CNOT2: variants seen among roughly 807,000 people sequenced by gnomAD.
CNOT2 encodes the protein CC chemokine receptor 4-negative regulator of transcription 2.
CNOT2 carries 7 observed loss-of-function variants against 72.1 expected under a neutral mutation model. The observed-to-expected ratio is 0.10, with a 90% CI of 0.06 to 0.18. CNOT2 has a LOEUF of 0.18. CNOT2 is among the 10% of genes least tolerant of loss of function. The pLI is 1.00. For missense variants in CNOT2, 345 were observed against 660.3 expected (o/e 0.52, Z 5.23); for synonymous variants, 196 against 225.6 (o/e 0.87, Z 1.17).
intron 1 of CNOT2, among the ~76,000 whole-genome samples, chr12:70,257,619 G>A (rs1307963208): frequency 2.6e-5 from 4 of 151,284 alleles, no homozygotes; most frequent in Non-Finnish European, 4.4e-5. Flanking sequence ...CACCTGCCTC[G>A]GCCTCCCAAA....
chr12:70,262,323 G>C (rs538565010), intron 1 of CNOT2, among the ~76,000 whole-genome samples: 1 of 152,248 alleles, frequency 6.6e-6, no homozygotes, highest in African/African-American at 2.4e-5. Flanking sequence ...GCCCAGGCTG[G>C]AGTGCAATGG....
At chr12:70,331,385 A>G (rs1879916149) in intron 6 of CNOT2, 1 of 151,916 alleles carries the variant, frequency 6.6e-6, no homozygotes, top group African/African-American at 2.4e-5. Context: ...AGGGTTATCA[A>G]AATTCTCATC....
Position 70,337,383 on chromosome 12 carries a change from A to G in CNOT2, c.776-6A>G, listed in dbSNP as rs775457376. The G allele has an allele frequency of 2.9e-5, 46 of 1,602,570 alleles. No individual in the cohort carries two copies. In the African/African-American group the frequency reaches 4.7e-4, roughly 16 times the overall value. On this transcript the variant is annotated splice_polypyrimidine_tract_variant and splice_region_variant and intron_variant, in intron 8 of 15. Transcript: ENST00000229195. ...TGCAATTCTCCGGATTATTTTCATT[A>G]CATAGTTGGAATGGTAACAAAACCA...
At chr12:70,318,191 G>A (rs748877658) in intron 3 of CNOT2, among the ~76,000 whole-genome samples, 5 of 151,830 alleles carry the variant, frequency 3.3e-5, no homozygotes, top group Non-Finnish European at 5.9e-5. Flanking sequence ...CCACCTTCTT[G>A]CTTAATATTA....
chr12:70,329,764 C>T (rs540270035), intron 5 of CNOT2, 194 bp downstream of exon 5: 106 of 527,976 alleles, frequency 2.0e-4, no homozygotes, highest in Middle Eastern at 1.0e-3. Context: ...TACTGCAGCT[C>T]GCATACTGGT....
intron 1 of CNOT2, among the ~76,000 whole-genome samples, chr12:70,276,188 C>A (rs1052277498): frequency 1.3e-5 from 2 of 151,784 alleles, no homozygotes; most frequent in Non-Finnish European, 2.9e-5. Flanking sequence ...AATATTAATA[C>A]GTATTGTTGT....
At chr12:70,341,018 GATTGCAGGC>G (rs1421123201) in intron 11 of CNOT2, among the ~76,000 whole-genome samples, 1 of 151,124 alleles carries the variant, frequency 6.6e-6, no homozygotes, top group Non-Finnish European at 1.5e-5. Flanking sequence ...GAGTAGCTGG[GATTGCAGGC>G]ATGTGCCACC....
intron 1 of CNOT2, among the ~76,000 whole-genome samples, chr12:70,249,404 G>A (rs1041331950): frequency 6.7e-6 from 1 of 150,300 alleles, no homozygotes; most frequent in Non-Finnish European, 1.5e-5. Flanking sequence ...ATTAAAATAA[G>A]TTTAAAACTT....
At chr12:70,299,327 C>T (rs1051166301) in intron 2 of CNOT2, among the ~76,000 whole-genome samples, 11 of 151,938 alleles carry the variant, frequency 7.2e-5, no homozygotes, top group African/African-American at 2.4e-4. Context: ...CACCCATTAA[C>T]TTGTCATTTA....
intron 6 of CNOT2, chr12:70,331,556 A>T (rs1879947468): frequency 1.3e-5 from 2 of 151,798 alleles, no homozygotes; most frequent in African/African-American, 4.8e-5. Context: ...TGTAACATGG[A>T]TCTCTAAAAC....
At chr12:70,332,717 G>T in intron 6 of CNOT2, 50 bp from the exon 7 acceptor site, 2 of 1,511,536 alleles carry the variant, frequency 1.3e-6, no homozygotes. Flanking sequence ...TTCTTCATCT[G>T]AAAGTTAGTG....
At chr12:70,256,743 T>C (rs183048296) in intron 1 of CNOT2, among the ~76,000 whole-genome samples, 7 of 152,302 alleles carry the variant, frequency 4.6e-5, no homozygotes, top group Admixed American at 4.6e-4. Context: ...TGCATGTGTT[T>C]GTAAGCTCTA....
chr12:70,259,338 A>T (rs942343152), intron 1 of CNOT2, among the ~76,000 whole-genome samples: 8 of 152,122 alleles, frequency 5.3e-5, no homozygotes, highest in Non-Finnish European at 8.8e-5. Context: ...ATCCATAGGA[A>T]CTAATACCAT....
intron 1 of CNOT2, among the ~76,000 whole-genome samples, chr12:70,250,413 G>A (rs189824542): frequency 1.3e-5 from 2 of 152,186 alleles, no homozygotes; most frequent in Non-Finnish European, 2.9e-5. Context: ...CACTCTAGAT[G>A]TTTTCAAGTA....
chr12:70,258,377 G>A (rs758896101), intron 1 of CNOT2, among the ~76,000 whole-genome samples: 8 of 152,198 alleles, frequency 5.3e-5, no homozygotes, highest in Non-Finnish European at 1.0e-4. Flanking sequence ...TGTAGGTTAA[G>A]ATGTTATGTT....
intron 1 of CNOT2, among the ~76,000 whole-genome samples, chr12:70,259,428 T>G (rs1958634167): frequency 6.6e-6 from 1 of 152,160 alleles, no homozygotes. Flanking sequence ...TTTAAATTAG[T>G]TTTCACAAAT....
At chr12:70,342,893 T>G (rs904882304) in intron 13 of CNOT2, among the ~76,000 whole-genome samples, 1 of 152,120 alleles carries the variant, frequency 6.6e-6, no homozygotes, top group African/African-American at 2.4e-5. Context: ...AAACTACAAT[T>G]TAGTGAAAAA....
chr12:70,337,988 TAAAG>T (rs904051875), intron 9 of CNOT2: 8 of 241,962 alleles, frequency 3.3e-5, no homozygotes, highest in Admixed American at 1.1e-4. Context: ...AAATAATTGA[TAAAG>T]AAGATCGGTA....
chr12:70,255,093 A>G (rs1263715595), intron 1 of CNOT2, among the ~76,000 whole-genome samples: 3 of 152,026 alleles, frequency 2.0e-5, no homozygotes, highest in African/African-American at 4.8e-5. Context: ...TGCTATGTTC[A>G]TCGGAGCAGG....
Sources: allele counts gnomAD v4.1 joint callset (sites outside exome capture counted in the v4.1 genomes callset), GRCh38; gene constraint gnomAD v4.1.1; transcripts MANE v1.5; gene names NCBI Gene and HGNC (gene_info 2026-07-23, HGNC 2026-07-21).